SLC45A2: variants seen among roughly 807,000 people sequenced by gnomAD.
SLC45A2 encodes membrane-associated transporter protein.
SLC45A2 carries 36 observed loss-of-function variants against 45.5 expected under a neutral mutation model. The observed-to-expected ratio is 0.79, with a 90% CI of 0.61 to 1.04. The LOEUF (loss-of-function observed/expected upper bound fraction) is 1.04. Among genes scored for constraint, SLC45A2 ranks in the 50% least tolerant of loss-of-function variants. The pLI, the probability that SLC45A2 is intolerant of heterozygous loss-of-function variation, is 0.00. For missense variants in SLC45A2, 719 were observed against 671.0 expected (o/e 1.07, Z -0.79); for synonymous variants, 306 against 269.3 (o/e 1.14, Z -1.33).
intron 5 of SLC45A2, 168 bp downstream of exon 5, chr5:33,951,386 A>T: frequency 6.6e-7 from 1 of 1,522,602 alleles, no homozygotes; most frequent in Non-Finnish European, 8.7e-7. Flanking sequence ...TGATGAAAAA[A>T]GGATGCTTTA....
In SLC45A2 at chr5:33,982,290, C is replaced by G. The variant is rs1217779179; in HGVS notation, c.508G>C (p.Val170Leu). The change falls in exon 2 of 7, where the codon GTC becomes CTC. Residue 170 changes from valine to leucine, a missense_variant. Val to Leu is a conservative substitution (Grantham distance 32). Transcript: ENST00000296589. ...TTCTCCTTGTCCTGATGGGAGCAGA[C>G]ATCAAATAAGTAGGCTTTGATGGGC... ...DGPIKAYLFD[V>L]CSHQDKEKGL... 1 of 1,614,112 alleles carries G rather than the reference C, an allele frequency of 6.2e-7. No individual in the cohort carries two copies. Among genetic ancestry groups the G allele is most frequent in the South Asian group, 1.1e-5 (1 of 91,076 alleles).
At position 33,961,827 on chromosome 5, in the gene SLC45A2, G is replaced by C. The variant is rs563002924; in HGVS notation, c.888+1864C>G. Among the ~76,000 whole-genome samples, 15 of 152,250 alleles carry C rather than the reference G, an allele frequency of 9.9e-5. No individual in the cohort carries two copies. The South Asian group carries it at 2.9e-3, about 29-fold the overall frequency. ...CCCCTTTCCTGGCTGTTCCCAGATA[G>C]TGACTAACAAGACGGGGGGTATTAG... On this transcript the variant is annotated intron_variant, in intron 3 of 6. Transcript: ENST00000296589.
intron 2 of SLC45A2, among the ~76,000 whole-genome samples, chr5:33,979,844 C>T (rs1175841843): frequency 6.6e-6 from 1 of 152,132 alleles, no homozygotes; most frequent in African/African-American, 2.4e-5. Context: ...AAGGGTCCTT[C>T]AGTTAGCTGG....
rs142299109 is a variant in SLC45A2 at position 33,954,440 on chromosome 5, C to T, written c.953G>A (p.Arg318His). The change falls in exon 4 of 7, where the codon CGC becomes CAC. Residue 318 changes from arginine (R) to histidine (H), a missense_variant. Coordinates refer to ENST00000296589, the MANE Select transcript of SLC45A2 (RefSeq NM_016180.5). ...RALVNMPPHY[R>H]YLCISHLIGW... The stretch of plus-strand genomic sequence containing the variant: ...AATGAGGTGGCTGATGCAAAGGTAG[C>T]GGTAGTGAGGAGGCATGTTCACCAG... 102 of 1,614,022 alleles carry T rather than the reference C, an allele frequency of 6.3e-5. No homozygotes were observed. Among genetic ancestry groups the T allele is most frequent in the African/African-American group, 3.3e-4 (25 of 75,020 alleles).
In SLC45A2 at chr5:33,964,027, A is replaced by C. The variant is rs372985571; in HGVS notation, c.563-11T>G. 3.2e-5 allele frequency: 51 copies of C among 1,613,170 alleles called. 1 individual carries two copies. In the African/African-American group the frequency reaches 6.4e-4, roughly 20 times the overall value. Reference sequence around the variant, plus strand: ...GGGCACCTCCAAAACCTGGAAAGCAAGAAAAGCTATGTTAGCATATTTAGC... The same window carrying C: ...GGGCACCTCCAAAACCTGGAAAGCACGAAAAGCTATGTTAGCATATTTAGC... On this transcript the variant is annotated splice_polypyrimidine_tract_variant and intron_variant, in intron 2 of 6. Transcript: ENST00000296589.
At chr5:33,969,865 C>T (rs949069453) in intron 2 of SLC45A2, among the ~76,000 whole-genome samples, 4 of 152,112 alleles carry the variant, frequency 2.6e-5, no homozygotes, top group Admixed American at 2.0e-4. Flanking sequence ...CAGTAAGAAT[C>T]CCAGGAAGAA....
intron 2 of SLC45A2, chr5:33,972,204 A>G (rs976807184): frequency 2.7e-5 from 14 of 525,480 alleles, no homozygotes; most frequent in African/African-American, 2.5e-4. Flanking sequence ...TGGTTTTCCA[A>G]GGGTACTTCA....
At position 33,963,778 on chromosome 5, in the gene SLC45A2, C is replaced by A. The variant is rs1341494284; in HGVS notation, c.801G>T (p.Glu267Asp). 6.2e-7 allele frequency: 1 copy of A among 1,614,196 alleles called. No individual in the cohort carries two copies. Among genetic ancestry groups the A allele is most frequent in the Non-Finnish European group, 8.5e-7 (1 of 1,180,024 alleles). Residue 267 changes from glutamate to aspartate, a missense_variant, in exon 3 of 7, where the codon GAG becomes GAT. Coordinates refer to ENST00000296589, the MANE Select transcript of SLC45A2 (RefSeq NM_016180.5). Reference sequence around the variant, plus strand: ...TTTTAACTTTCTCGATAGAACCATACTCGTACATTCCATCTGATGACAATG... The same window carrying A: ...TTTTAACTTTCTCGATAGAACCATAATCGTACATTCCATCTGATGACAATG... ...DPPLSSDGMY[E>D]YGSIEKVKNG...
intron 2 of SLC45A2, among the ~76,000 whole-genome samples, chr5:33,975,071 T>C (rs539286904): frequency 6.6e-6 from 1 of 151,302 alleles, no homozygotes; most frequent in East Asian, 1.9e-4. Context: ...GAAGATGTTT[T>C]AAGTTGTTTT....
rs2112019905 is a variant in SLC45A2, at chr5:33,984,179, A to G, written c.385+20T>C. ...CTAAGACACATATCCCTGTCTGCCC[A>G]CCTTGTGCAGCCCACTTACCTGCTA... On this transcript the variant is annotated intron_variant, in intron 1 of 6. Coordinates refer to ENST00000296589, the MANE Select transcript of SLC45A2 (RefSeq NM_016180.5). The G allele has an allele frequency of 1.2e-6, 2 of 1,613,512 alleles. No homozygotes were observed. The highest frequency in any genetic ancestry group is 1.7e-4 in the Middle Eastern group (1 of 6,060).
intron 2 of SLC45A2, among the ~76,000 whole-genome samples, chr5:33,964,318 G>A (rs1752540629): frequency 6.6e-6 from 1 of 152,096 alleles, no homozygotes; most frequent in Non-Finnish European, 1.5e-5. Flanking sequence ...TTCAGGATGG[G>A]GCCAGACACA....
chr5:33,981,554 C>G (rs947222388), intron 2 of SLC45A2, among the ~76,000 whole-genome samples: 1 of 152,192 alleles, frequency 6.6e-6, no homozygotes, highest in Admixed American at 6.5e-5. Flanking sequence ...TAGCATAGTC[C>G]TAACTGGTGC....
intron 4 of SLC45A2, 34 bp from the exon 5 acceptor site, chr5:33,951,711 A>T (rs1470919871): frequency 3.1e-6 from 5 of 1,614,026 alleles, no homozygotes; most frequent in Admixed American, 1.7e-5. Context: ...TGAGGTACAA[A>T]TGCAATGTAG....
chr5:33,982,508 C>A, intron 1 of SLC45A2, 96 bp from the exon 2 acceptor site: 1 of 1,252,142 alleles, frequency 8.0e-7, no homozygotes, highest in Non-Finnish European at 1.1e-6. Context: ...AAATCATCTT[C>A]CTTGCTTTTA....
At chr5:33,966,131 C>T (rs1752594474) in intron 2 of SLC45A2, among the ~76,000 whole-genome samples, 1 of 152,132 alleles carries the variant, frequency 6.6e-6, no homozygotes, top group Non-Finnish European at 1.5e-5. Flanking sequence ...AAATCCTCCA[C>T]TGTGCAATGG....
At chr5:33,948,377 A>C (rs958047616) in intron 5 of SLC45A2, among the ~76,000 whole-genome samples, 10 of 152,160 alleles carry the variant, frequency 6.6e-5, no homozygotes, top group African/African-American at 2.2e-4. Context: ...AGTCGTTTTT[A>C]ATCCACACAT....
chr5:33,966,841 T>A (rs868637691), intron 2 of SLC45A2, among the ~76,000 whole-genome samples: 2 of 152,338 alleles, frequency 1.3e-5, no homozygotes, highest in African/African-American at 4.8e-5. Flanking sequence ...CAGAAAGCTA[T>A]GAGCTTTAGT....
intron 2 of SLC45A2, among the ~76,000 whole-genome samples, chr5:33,973,907 G>A (rs1314779191): frequency 1.4e-5 from 2 of 139,936 alleles, no homozygotes; most frequent in African/African-American, 5.0e-5. Context: ...TTGCAAGCCT[G>A]TGAAGGAATG....
intron 4 of SLC45A2, among the ~76,000 whole-genome samples, chr5:33,952,272 T>C (rs1311010933): frequency 6.6e-6 from 1 of 152,032 alleles, no homozygotes; most frequent in African/African-American, 2.4e-5. Flanking sequence ...ATTACAGGCA[T>C]GATCCACCAT....
Sources: gnomAD v4.1 joint callset for allele counts (sites outside exome capture counted in the v4.1 genomes callset) on GRCh38, gnomAD v4.1.1 for gene constraint, MANE v1.5 for transcripts, NCBI Gene and HGNC (gene_info 2026-07-23, HGNC 2026-07-21) for gene names.